The following WDR4 variants were observed in gnomAD, a reference collection of about 807,000 sequenced individuals.
WDR4 encodes WDR4 tRNA N7-guanosine methyltransferase non-catalytic subunit.
Under a neutral mutation model 48.6 loss-of-function variants are expected in WDR4, and 47 were observed. That is an observed-to-expected ratio of 0.97 (90% CI 0.77 to 1.23). WDR4 has a LOEUF of 1.23. Ranked by LOEUF, WDR4 falls within the 50% of genes most tolerant of loss-of-function variation. The probability of loss-of-function intolerance (pLI) is 0.00; values close to 1 mark genes in which losing one functional copy is unlikely to be tolerated. For missense variants in WDR4, 606 were observed against 551.6 expected, an observed-to-expected ratio of 1.10 and a Z score of -0.99; for synonymous variants, 268 against 230.0, an observed-to-expected ratio of 1.17 and a Z score of -1.49.
In WDR4 at chr21:42,852,228, A is replaced by G. The variant is rs777095498; in HGVS notation, c.1045+27T>C. On this transcript the variant is annotated intron_variant, in intron 10 of 10. Coordinates refer to ENST00000398208, the MANE Select transcript of WDR4 (RefSeq NM_018669.6). Reference sequence around the variant, plus strand: ...GGGGACCGCGCTGGGTGTGACCCCCAAGGGCAGCCTGCACCCGTGCTCTCA... The same window carrying G: ...GGGGACCGCGCTGGGTGTGACCCCCGAGGGCAGCCTGCACCCGTGCTCTCA... 8 of 1,613,256 alleles carry G rather than the reference A, an allele frequency of 5.0e-6. No homozygotes were observed. The Admixed American group carries it at 6.7e-5, about 13-fold the overall frequency.
At position 42,853,830 on chromosome 21, in the gene WDR4, G is replaced by GT. The variant is rs1331464082; in HGVS notation, c.792-79dup. The GT allele has an allele frequency of 8.3e-6, 12 of 1,448,768 alleles. No individual in the cohort carries two copies. In the East Asian group the frequency reaches 2.7e-4, roughly 33 times the overall value. 89.7% of individuals were successfully genotyped at this position (1,448,768 alleles called of 1,614,324 possible). A position where few individuals can be genotyped will look rare whatever the true frequency, so the allele number is the denominator to read the frequency against. On this transcript the variant is annotated intron_variant, in intron 8 of 10. Transcript: ENST00000398208. Reference sequence around the variant, plus strand: ...CGCTCTGCAGCCAGCACCCCAGACGGTGCAGCCCTCGCCGGTGCCACCTCA... The same window carrying GT: ...CGCTCTGCAGCCAGCACCCCAGACGGTTGCAGCCCTCGCCGGTGCCACCTCA...
the WDR4 span, among the ~76,000 whole-genome samples, chr21:42,888,719 GAGAC>G: frequency 2.3e-5 from 3 of 129,960 alleles, no homozygotes; most frequent in Admixed American, 8.5e-5. Context: ...TTTTTTTTTA[GAGAC>G]AGAGTCTTGC....
chr21:42,866,773 T>G (rs949086896), intron 3 of WDR4, among the ~76,000 whole-genome samples: 2 of 151,810 alleles, frequency 1.3e-5, no homozygotes, highest in Non-Finnish European at 2.9e-5. Context: ...AGAGAAAGGG[T>G]AACAATTTCA....
intron 6 of WDR4, 110 bp downstream of exon 6, chr21:42,859,552 A>AACCAGCCAGGG: frequency 1.1e-5 from 7 of 625,460 alleles, no homozygotes; most frequent in African/African-American, 2.8e-5. Context: ...GGACAGCCAC[A>AACCAGCCAGGG]GCCAGCCAGG....
intron 9 of WDR4, among the ~76,000 whole-genome samples, chr21:42,852,651 C>T (rs1479764134): frequency 6.6e-6 from 1 of 152,220 alleles, no homozygotes; most frequent in African/African-American, 2.4e-5. Context: ...CGCAGTGGCT[C>T]ATACCTGTAA....
intron 7 of WDR4, 130 bp from the exon 8 acceptor site, chr21:42,854,756 G>A (rs1379652643): frequency 1.8e-5 from 14 of 779,428 alleles, no homozygotes; most frequent in Non-Finnish European, 2.6e-5. Context: ...AACAGCACTG[G>A]AACATTCTGG....
At chr21:42,892,535 A>G in the WDR4 span, among the ~76,000 whole-genome samples, 1 of 139,942 alleles carries the variant, frequency 7.1e-6, no homozygotes, top group African/African-American at 2.9e-5. Context: ...TGACTGTGGC[A>G]GGGCCTCTTC....
chr21:42,879,967 T>C (rs2058593812), upstream of WDR4: 1 of 394,556 alleles, frequency 2.5e-6, no homozygotes, highest in African/African-American at 2.1e-5. Flanking sequence ...CCGTTTCTAC[T>C]AAAAGTACAA....
chr21:42,858,705 GCCTGAC>G (rs760240466), intron 6 of WDR4, among the ~76,000 whole-genome samples: 3 of 152,162 alleles, frequency 2.0e-5, no homozygotes, highest in Admixed American at 6.5e-5. Context: ...CGCTGACGAA[GCCTGAC>G]CCTGACCCTG....
rs2058147659 is a variant in WDR4, at chr21:42,862,711, C to G, written c.454-317G>C. On this transcript the variant is annotated intron_variant, in intron 4 of 10. Coordinates refer to ENST00000398208, the MANE Select transcript of WDR4 (RefSeq NM_018669.6). The surrounding 1 kb of genome is among the most constrained non-coding windows in gnomAD (Gnocchi z 4.3). ...AATCCAGGCCCCACGCCCATTTCCA[C>G]CCGCCACAGGCCTGCTGCACCCTCC... is the stretch of plus-strand genomic sequence containing the variant. Among the ~76,000 whole-genome samples, 1 of 151,948 alleles carries G rather than the reference C, an allele frequency of 6.6e-6. No individual in the cohort carries two copies. The highest frequency in any genetic ancestry group is 1.5e-5 in the Non-Finnish European group (1 of 67,976).
intron 3 of WDR4, among the ~76,000 whole-genome samples, chr21:42,871,133 G>A (rs1302136265): frequency 6.6e-6 from 1 of 152,186 alleles, no homozygotes; most frequent in Non-Finnish European, 1.5e-5. Context: ...ACTCTGTGAG[G>A]ACATAGGGAG....
At chr21:42,856,529 G>A (rs577960700) in intron 6 of WDR4, among the ~76,000 whole-genome samples, 5 of 151,830 alleles carry the variant, frequency 3.3e-5, no homozygotes, top group East Asian at 1.9e-4. Flanking sequence ...CTCAGCCTCC[G>A]AGTAGCTGGG....
intron 8 of WDR4, 32 bp from the exon 9 acceptor site, chr21:42,853,784 G>A: frequency 6.5e-7 from 1 of 1,536,338 alleles, no homozygotes. Context: ...ATGATTACTA[G>A]GACTGCAGGC....
Position 42,879,331 on chromosome 21 carries a change from G to C in WDR4, c.89+76C>G, listed in dbSNP as rs1008060507. On this transcript the variant is annotated intron_variant, in intron 1 of 10. Transcript: ENST00000398208. The stretch of plus-strand genomic sequence containing the variant: ...CAGAGTGGGTGCGACCAGGCGGTGC[G>C]GGAGAAGCGGGGTCGCCAGGACCCG... 24 of 1,569,268 alleles carry C rather than the reference G, an allele frequency of 1.5e-5. No homozygotes were observed. The Admixed American group carries it at 4.1e-4, about 27-fold the overall frequency.
At chr21:42,867,066 A>C (rs1449568305) in intron 3 of WDR4, among the ~76,000 whole-genome samples, 1 of 152,162 alleles carries the variant, frequency 6.6e-6, no homozygotes, top group Non-Finnish European at 1.5e-5. Flanking sequence ...AACATTTCCT[A>C]CACGAAGTTA....
chr21:42,879,503 C>T lies in WDR4; in HGVS notation c.-8G>A, dbSNP rs764742867. On this transcript the variant is annotated 5_prime_UTR_variant, in exon 1 of 11. Transcript: ENST00000398208. ...TCCCACAGAGCCCGCCATGTACCCG[C>T]CCGCCTCACCGCCATACACATGTGC... 6 of 1,613,014 alleles carry T rather than the reference C, an allele frequency of 3.7e-6. No homozygotes were observed. The highest frequency in any genetic ancestry group is 1.3e-5 in the African/African-American group (1 of 74,912).
At chr21:42,854,441 G>A (rs570346845) in intron 8 of WDR4, 121 bp downstream of exon 8, 6 of 984,242 alleles carry the variant, frequency 6.1e-6, no homozygotes, top group Non-Finnish European at 1.5e-6. Flanking sequence ...GGAGGTGCTA[G>A]ACCAATACCA....
chr21:42,892,343 C>T, the WDR4 span, among the ~76,000 whole-genome samples: 1 of 151,596 alleles, frequency 6.6e-6, no homozygotes, highest in Non-Finnish European at 1.5e-5. Context: ...TCATGATTAT[C>T]CTAAGATCTA....
At chr21:42,868,188 C>T (rs2058291106) in intron 3 of WDR4, among the ~76,000 whole-genome samples, 2 of 152,162 alleles carry the variant, frequency 1.3e-5, no homozygotes, top group Non-Finnish European at 1.5e-5. Flanking sequence ...GGAGTCAGAA[C>T]CCCTGGAGGA....
Sources: allele counts gnomAD v4.1 joint callset (sites outside exome capture counted in the v4.1 genomes callset), GRCh38; gene constraint gnomAD v4.1.1; non-coding constraint Gnocchi (gnomAD v3.1); transcripts MANE v1.5; gene names NCBI Gene and HGNC (gene_info 2026-07-23, HGNC 2026-07-21).